Variants in AAGAB observed in about 807,000 individuals in gnomAD.
AAGAB encodes alpha and gamma adaptin binding protein.
Under a neutral mutation model 44.1 loss-of-function variants are expected in AAGAB, and 38 were observed. That is an observed-to-expected ratio of 0.86 (90% CI 0.67 to 1.13). AAGAB has a LOEUF of 1.13. Among genes scored for constraint, AAGAB ranks in the 50% most tolerant of loss-of-function variants. The probability of loss-of-function intolerance (pLI) is 0.00; values close to 1 mark genes in which losing one functional copy is unlikely to be tolerated. For missense variants in AAGAB, 450 were observed against 373.8 expected, an observed-to-expected ratio of 1.20 and a Z score of -1.68; for synonymous variants, 131 against 131.8, an observed-to-expected ratio of 0.99 and a Z score of 0.04.
chr15:67,233,712 C>A (rs1283492460), intron 4 of AAGAB, among the ~76,000 whole-genome samples: 1 of 152,138 alleles, frequency 6.6e-6, no homozygotes, highest in Non-Finnish European at 1.5e-5. Flanking sequence ...GGAAACAATA[C>A]CACTCTATGC....
chr15:67,251,080 C>A (rs1342199922), intron 1 of AAGAB, among the ~76,000 whole-genome samples: 3 of 152,042 alleles, frequency 2.0e-5, no homozygotes, highest in Non-Finnish European at 2.9e-5. Context: ...CAGTAATGCC[C>A]CTTTTATCCG....
intron 1 of AAGAB, among the ~76,000 whole-genome samples, chr15:67,247,964 T>C (rs1964768091): frequency 6.6e-6 from 1 of 152,238 alleles, no homozygotes; most frequent in Non-Finnish European, 1.5e-5. Context: ...ATATTTTACA[T>C]GTATAGAACT....
rs185388833 is a variant in AAGAB, at chr15:67,241,627, A to G, written c.74-4807T>C. 5.4e-4 allele frequency among the ~76,000 whole-genome samples: 82 copies of G among 152,210 alleles called. 1 individual carries two copies. The highest frequency in any genetic ancestry group is 8.8e-4 in the Non-Finnish European group (60 of 67,990). On this transcript the variant is annotated intron_variant, in intron 1 of 9. Transcript: ENST00000261880. ...GCTGGCTCTCTGCAAAGCCTTGGGC[A>G]GATTAACCTCTCGGTGTCTCATTTC...
chr15:67,227,845 T>C (rs1450108220), intron 5 of AAGAB, among the ~76,000 whole-genome samples: 2 of 152,212 alleles, frequency 1.3e-5, no homozygotes, highest in African/African-American at 2.4e-5. Flanking sequence ...CATTGTATCT[T>C]CATACCACAT....
chr15:67,247,773 T>C (rs1217251517), intron 1 of AAGAB, among the ~76,000 whole-genome samples: 6 of 152,256 alleles, frequency 3.9e-5, no homozygotes, highest in African/African-American at 1.4e-4. Flanking sequence ...CATTTTCATT[T>C]ATTATTTAAC....
At chr15:67,254,757 G>C (rs1965044149), upstream of AAGAB, 1 of 1,321,556 alleles carries the variant, frequency 7.6e-7, no homozygotes, top group Non-Finnish European at 1.1e-6. Flanking sequence ...GCCTGACCCC[G>C]CCCCTAGACC....
chr15:67,205,171 C>G (rs191514738), intron 7 of AAGAB, among the ~76,000 whole-genome samples: 29 of 152,328 alleles, frequency 1.9e-4, no homozygotes, highest in African/African-American at 7.0e-4. Context: ...CTGTACAGGA[C>G]TCCAATGACT....
chr15:67,236,910 C>A (rs992649469), intron 1 of AAGAB, 90 bp from the exon 2 acceptor site: 8 of 1,023,958 alleles, frequency 7.8e-6, no homozygotes, highest in Middle Eastern at 3.1e-4. Flanking sequence ...AAAGCTGGTA[C>A]TTTTGCTGTT....
intron 5 of AAGAB, among the ~76,000 whole-genome samples, chr15:67,224,458 C>G (rs1224164080): frequency 6.6e-6 from 1 of 152,146 alleles, no homozygotes; most frequent in Non-Finnish European, 1.5e-5. Flanking sequence ...ATACTAGAAA[C>G]AAGTACAGAG....
intron 1 of AAGAB, among the ~76,000 whole-genome samples, chr15:67,239,085 G>A (rs1419278633): frequency 6.6e-6 from 1 of 152,146 alleles, no homozygotes; most frequent in African/African-American, 2.4e-5. Context: ...TTCACTTGTT[G>A]CTAAGGGGCA....
chr15:67,239,175 A>G (rs1432481406), intron 1 of AAGAB, among the ~76,000 whole-genome samples: 3 of 152,182 alleles, frequency 2.0e-5, no homozygotes, highest in African/African-American at 7.2e-5. Context: ...TTGTATTGTT[A>G]AAAACTGATA....
At chr15:67,221,292 C>G (rs915253601) in intron 5 of AAGAB, 6 of 152,216 alleles carry the variant, frequency 3.9e-5, no homozygotes, top group African/African-American at 1.4e-4. Flanking sequence ...CACCACTGTT[C>G]TCAGCATTAT....
chr15:67,221,183 T>C (rs1595990375), intron 5 of AAGAB: 1 of 152,174 alleles, frequency 6.6e-6, no homozygotes, highest in Admixed American at 6.5e-5. Context: ...GTTGGAACTT[T>C]CTTCACCTCC....
intron 5 of AAGAB, among the ~76,000 whole-genome samples, chr15:67,209,783 G>C (rs1019833013): frequency 3.3e-5 from 5 of 152,152 alleles, no homozygotes; most frequent in Non-Finnish European, 5.9e-5. Context: ...CTCCTGAGTA[G>C]GTGGGAATAC....
At chr15:67,213,003 T>C (rs898621503) in intron 5 of AAGAB, among the ~76,000 whole-genome samples, 13 of 152,348 alleles carry the variant, frequency 8.5e-5, no homozygotes, top group South Asian at 6.2e-4. Flanking sequence ...TATGGTTTTA[T>C]TGATGCCACA....
chr15:67,235,228 AAAAATAAGCTCTCCGGTCTCT>A (rs1338966929), intron 4 of AAGAB, among the ~76,000 whole-genome samples: 3 of 152,320 alleles, frequency 2.0e-5, no homozygotes, highest in African/African-American at 7.2e-5. Context: ...ACTTTTAAAC[AAAAATAAGCTCTCCGGTCTCT>A]AAAATACCAC....
At chr15:67,222,108 A>G (rs1453700259) in intron 5 of AAGAB, among the ~76,000 whole-genome samples, 1 of 152,132 alleles carries the variant, frequency 6.6e-6, no homozygotes, top group Non-Finnish European at 1.5e-5. Context: ...TTTTTAGCTT[A>G]AATTCCATGG....
At chr15:67,210,403 C>A (rs1200158780) in intron 5 of AAGAB, among the ~76,000 whole-genome samples, 2 of 151,836 alleles carry the variant, frequency 1.3e-5, no homozygotes, top group Admixed American at 1.3e-4. Flanking sequence ...GTAATCTCAG[C>A]TACTCGGGAG....
chr15:67,254,810 G>A (rs1965049130), upstream of AAGAB: 2 of 1,456,810 alleles, frequency 1.4e-6, no homozygotes, highest in Non-Finnish European at 1.9e-6. Flanking sequence ...CGCGCGCGGT[G>A]TTGCCATGGG....
Sources: allele counts gnomAD v4.1 joint callset (sites outside exome capture counted in the v4.1 genomes callset), GRCh38; gene constraint gnomAD v4.1.1; transcripts MANE v1.5; gene names NCBI Gene and HGNC (gene_info 2026-07-23, HGNC 2026-07-21).